ARHGEF3: variants seen among roughly 807,000 people sequenced by gnomAD.
ARHGEF3 encodes 59.8 kDA protein.
Under a neutral mutation model 63.2 loss-of-function variants are expected in ARHGEF3, and 28 were observed. The observed-to-expected ratio is 0.44, with a 90% CI of 0.33 to 0.61. ARHGEF3 has a LOEUF of 0.61. Among genes scored for constraint, ARHGEF3 ranks in the 20% least tolerant of loss-of-function variants. The pLI is 0.03. For synonymous variants in ARHGEF3, 266 were observed against 254.2 expected, an observed-to-expected ratio of 1.05 and a Z score of -0.44; for missense variants, 533 against 659.3, an observed-to-expected ratio of 0.81 and a Z score of 2.10.
In ARHGEF3 at chr3:57,071,731, A is replaced by G. The variant is rs529758183; in HGVS notation, c.-28+7495T>C. Among the ~76,000 whole-genome samples the G allele has an allele frequency of 2.6e-5, 4 of 152,232 alleles. No individual in the cohort carries two copies. In the East Asian group the frequency reaches 5.8e-4, roughly 22 times the overall value. The stretch of plus-strand genomic sequence containing the variant: ...TGCATCAGGCAAAGGTTTCTTACGT[A>G]TGACACCAAAAGCACAGGAAACCCA... On this transcript the variant is annotated intron_variant, in intron 1 of 12. Transcript: ENST00000338458.
chr3:56,926,721 C>T (rs574114043), intron 3 of ARHGEF3, among the ~76,000 whole-genome samples: 1 of 152,338 alleles, frequency 6.6e-6, no homozygotes, highest in Admixed American at 6.5e-5. Flanking sequence ...TTTTACAACT[C>T]CAATCACCCA....
chr3:56,800,501 A>G (rs1190537318), intron 1 of ARHGEF3, among the ~76,000 whole-genome samples: 1 of 152,176 alleles, frequency 6.6e-6, no homozygotes, highest in East Asian at 1.9e-4. Flanking sequence ...CTCAGCGTAT[A>G]GAAAGCTGAA....
intron 2 of ARHGEF3, among the ~76,000 whole-genome samples, chr3:57,029,220 C>T (rs141734675): frequency 2.0e-5 from 3 of 152,236 alleles, no homozygotes; most frequent in African/African-American, 4.8e-5. Flanking sequence ...CACCTGAGGT[C>T]GGGAGTTTAA....
chr3:56,864,734 C>T (rs2040186251), intron 4 of ARHGEF3, among the ~76,000 whole-genome samples: 1 of 152,140 alleles, frequency 6.6e-6, no homozygotes, highest in South Asian at 2.1e-4. Flanking sequence ...AAGGACCTTA[C>T]AGTTTAGAAT....
Position 56,826,286 on chromosome 3 carries a change from A to G in ARHGEF3, c.193-52470T>C, listed in dbSNP as rs1418496571. 3.3e-5 allele frequency among the ~76,000 whole-genome samples: 5 copies of G among 152,274 alleles called. No homozygotes were observed. The East Asian group carries it at 9.6e-4, about 29-fold the overall frequency. On this transcript the variant is annotated intron_variant, in intron 4 of 12. Transcript: ENST00000338458. ...TCTGTTACCTAAACATAAATTCTCT[A>G]TTTGCTTAAAGAAATTTGAGCTATG...
rs994313552 is a variant in ARHGEF3, at chr3:56,741,694, G to A, written c.870+3511C>T. On this transcript the variant is annotated intron_variant, in intron 7 of 9. Coordinates refer to ENST00000296315, the MANE Select transcript of ARHGEF3 (RefSeq NM_019555.3). ...AATTTTTTGTATTTTTAGTAGAGAC[G>A]GGGTTTCACTGTGTTAGCCAAGATG... Among the ~76,000 whole-genome samples, 12 of 150,794 alleles carry A rather than the reference G, an allele frequency of 8.0e-5. 1 individual carries two copies. In the East Asian group the frequency reaches 2.0e-3, roughly 25 times the overall value.
intron 3 of ARHGEF3, among the ~76,000 whole-genome samples, chr3:56,753,998 C>T (rs757390449): frequency 2.1e-4 from 32 of 152,162 alleles, no homozygotes; most frequent in Non-Finnish European, 3.5e-4. Context: ...TTCTTCTACT[C>T]GACAGAAGGC....
At chr3:56,944,568 CT>C (rs1205155655) in intron 3 of ARHGEF3, among the ~76,000 whole-genome samples, 17,729 of 66,726 alleles carry the variant, frequency 0.27, 873 homozygotes, top group South Asian at 0.35. Context: ...AAAGTGGTTT[CT>C]TTTTTTTTTT....
At chr3:56,792,643 T>G (rs889050824) in intron 1 of ARHGEF3, among the ~76,000 whole-genome samples, 1 of 152,188 alleles carries the variant, frequency 6.6e-6, no homozygotes. Context: ...AATATGAAAG[T>G]GCCTAAAACT....
At chr3:56,824,605 A>G (rs556593263) in intron 4 of ARHGEF3, among the ~76,000 whole-genome samples, 2 of 152,228 alleles carry the variant, frequency 1.3e-5, no homozygotes, top group Non-Finnish European at 2.9e-5. Flanking sequence ...TTTACACACT[A>G]GTATATAATT....
intron 4 of ARHGEF3, among the ~76,000 whole-genome samples, chr3:56,853,217 C>A (rs1305852152): frequency 6.7e-6 from 1 of 149,802 alleles, no homozygotes; most frequent in Non-Finnish European, 1.5e-5. Flanking sequence ...GGTGACAAGC[C>A]AAAAGTCTAC....
intron 2 of ARHGEF3, among the ~76,000 whole-genome samples, chr3:56,984,099 C>A (rs1701442610): frequency 6.6e-6 from 1 of 152,144 alleles, no homozygotes; most frequent in African/African-American, 2.4e-5. Flanking sequence ...TAAATCCAGC[C>A]TCCCATTGTG....
chr3:56,941,420 C>T (rs1699178853), intron 3 of ARHGEF3, among the ~76,000 whole-genome samples: 3 of 152,214 alleles, frequency 2.0e-5, no homozygotes, highest in Admixed American at 2.0e-4. Flanking sequence ...GTTGGCCAGA[C>T]TGGTCTCAAA....
At chr3:57,051,343 C>T (rs1704660385) in intron 1 of ARHGEF3, among the ~76,000 whole-genome samples, 1 of 151,770 alleles carries the variant, frequency 6.6e-6, no homozygotes, top group Non-Finnish European at 1.5e-5. Flanking sequence ...CAAAATTAGC[C>T]AGGTGTGGTG....
In ARHGEF3 at chr3:56,911,888, A is replaced by G. The variant is rs57281997; in HGVS notation, c.130-29534T>C. Reference sequence around the variant, plus strand: ...GTGAAGGCTGCAGTGAGCTATGATCATGCCACTGCACTCCAGCCTGGGCGA... The same window carrying G: ...GTGAAGGCTGCAGTGAGCTATGATCGTGCCACTGCACTCCAGCCTGGGCGA... On this transcript the variant is annotated intron_variant, in intron 3 of 12. Coordinates refer to the ARHGEF3 transcript ENST00000338458. Among the ~76,000 whole-genome samples, 1,068 of 151,942 alleles carry G rather than the reference A, an allele frequency of 7.0e-3. 12 individuals carry two copies. The highest frequency in any genetic ancestry group is 0.024 in the African/African-American group (1,001 of 41,404).
chr3:56,891,164 A>T (rs2041104679), intron 3 of ARHGEF3, among the ~76,000 whole-genome samples: 1 of 138,162 alleles, frequency 7.2e-6, no homozygotes, highest in African/African-American at 2.8e-5. Context: ...AGGAGCACCA[A>T]CTCCATTTTT....
At chr3:56,849,828 A>C (rs2039614837) in intron 4 of ARHGEF3, among the ~76,000 whole-genome samples, 1 of 152,156 alleles carries the variant, frequency 6.6e-6, no homozygotes, top group South Asian at 2.1e-4. Context: ...GCATTCTAAA[A>C]ATACTGTGCC....
intron 2 of ARHGEF3, among the ~76,000 whole-genome samples, chr3:56,982,193 C>T (rs1463500713): frequency 2.6e-5 from 4 of 151,370 alleles, no homozygotes; most frequent in East Asian, 3.9e-4. Context: ...CCACCTGGAT[C>T]GAGCTATGCC....
At chr3:57,077,966 A>T in intron 1 of ARHGEF3, among the ~76,000 whole-genome samples, 1 of 152,214 alleles carries the variant, frequency 6.6e-6, no homozygotes. Context: ...AATAAGGGGA[A>T]GGAGCAACTG....
Sources: allele counts gnomAD v4.1 joint callset (sites outside exome capture counted in the v4.1 genomes callset), GRCh38; gene constraint gnomAD v4.1.1; transcripts MANE v1.5; gene names NCBI Gene and HGNC (gene_info 2026-07-23, HGNC 2026-07-21).